The following CFAP47 variants were observed in gnomAD, a reference collection of about 807,000 sequenced individuals.
CFAP47 encodes cilia and flagella associated protein 47, also known as cilia- and flagella-associated protein 47.
In CFAP47, 29 loss-of-function variants were observed where a neutral mutation model predicts 148.1. That is an observed-to-expected ratio of 0.20 (90% CI 0.15 to 0.27). The LOEUF (loss-of-function observed/expected upper bound fraction) is 0.27, where lower values mean the gene tolerates loss of function less well. Ranked by LOEUF, CFAP47 falls within the 10% of genes least tolerant of loss-of-function variation. The probability of loss-of-function intolerance (pLI) is 1.00; values close to 1 mark genes in which losing one functional copy is unlikely to be tolerated. For synonymous variants in CFAP47, 664 were observed against 577.3 expected (o/e 1.15, Z -2.15); for missense variants, 1,872 against 1,697.5 (o/e 1.10, Z -1.81).
chrX:35,934,520 C>A (rs6632405), intron 2 of CFAP47, among the ~76,000 whole-genome samples: 20,473 of 109,683 alleles, frequency 0.19, 1,587 homozygotes, highest in African/African-American at 0.28. Flanking sequence ...GCCTGGAATC[C>A]GGGTCCCCAA....
intron 59 of CFAP47, among the ~76,000 whole-genome samples, chrX:36,352,562 T>C (rs918304168): frequency 1.8e-5 from 2 of 110,867 alleles, no homozygotes; most frequent in South Asian, 7.4e-4. Context: ...CACAAGCTTT[T>C]TTATATTATG....
At chrX:36,118,638 T>A (rs2146810533) in intron 33 of CFAP47, among the ~76,000 whole-genome samples, 1 of 110,146 alleles carries the variant, frequency 9.1e-6, no homozygotes, top group African/African-American at 3.3e-5. Flanking sequence ...CATGCCCGGC[T>A]AATTTTTTTG....
intron 57 of CFAP47, among the ~76,000 whole-genome samples, chrX:36,338,035 ATTTTTTTTT>A (rs1209274928): frequency 8.6e-5 from 4 of 46,569 alleles, no homozygotes; most frequent in Admixed American, 2.7e-4. Context: ...ACGCCTGGCT[ATTTTTTTTT>A]TTTTTTTTTT....
chrX:35,972,006 A>AT, intron 13 of CFAP47, 41 bp downstream of exon 13: 1 of 811,399 alleles, frequency 1.2e-6, no homozygotes, highest in Non-Finnish European at 1.7e-6. Flanking sequence ...TTATTTTTTT[A>AT]TAAAAAAAAG....
At chrX:36,241,810 G>A (rs1455222671) in intron 48 of CFAP47, among the ~76,000 whole-genome samples, 1 of 111,961 alleles carries the variant, frequency 8.9e-6, no homozygotes, top group Non-Finnish European at 1.9e-5. Flanking sequence ...TGGCCTACCT[G>A]CCTGCTGCAG....
intron 33 of CFAP47, among the ~76,000 whole-genome samples, chrX:36,107,894 G>A (rs1938491462): frequency 9.1e-6 from 1 of 110,227 alleles, no homozygotes; most frequent in Admixed American, 9.7e-5. Flanking sequence ...TCCTTTACGT[G>A]CCTTACACCT....
chrX:36,091,344 T>C (rs777322903), intron 30 of CFAP47, among the ~76,000 whole-genome samples: 1 of 111,216 alleles, frequency 9.0e-6, no homozygotes, highest in Non-Finnish European at 1.9e-5. Context: ...ACTTACACAC[T>C]GAAATTCTGT....
At chrX:36,125,295 C>G (rs1938816147) in intron 33 of CFAP47, among the ~76,000 whole-genome samples, 3 of 111,199 alleles carry the variant, frequency 2.7e-5, no homozygotes, top group Non-Finnish European at 5.7e-5. Flanking sequence ...ACAACAGAGC[C>G]CAAATCCCTT....
At chrX:35,961,593 A>T (rs1288522784) in intron 8 of CFAP47, among the ~76,000 whole-genome samples, 1 of 111,258 alleles carries the variant, frequency 9.0e-6, no homozygotes, top group Non-Finnish European at 1.9e-5. Context: ...CATTTAGGTT[A>T]TCTGGTTTGT....
intron 22 of CFAP47, among the ~76,000 whole-genome samples, chrX:36,020,287 GAGA>G (rs1381817968): frequency 2.7e-5 from 3 of 112,057 alleles, no homozygotes; most frequent in South Asian, 3.6e-4. Context: ...TCCACGTGCT[GAGA>G]AGAAGAATAT....
intron 57 of CFAP47, among the ~76,000 whole-genome samples, chrX:36,346,177 G>A (rs1941695790): frequency 9.0e-6 from 1 of 110,926 alleles, no homozygotes; most frequent in Non-Finnish European, 1.9e-5. Context: ...TGTCCAAGAG[G>A]TAATTTGTTT....
chrX:36,062,677 C>G (rs761786792), intron 26 of CFAP47, among the ~76,000 whole-genome samples: 29 of 110,476 alleles, frequency 2.6e-4, no homozygotes, highest in African/African-American at 9.2e-4. Context: ...AATCCGTAGA[C>G]AGATTAGTTG....
chrX:36,225,577 T>C (rs1489993972), intron 45 of CFAP47, among the ~76,000 whole-genome samples: 1 of 111,919 alleles, frequency 8.9e-6, no homozygotes, highest in East Asian at 2.8e-4. Context: ...AGGAGTCTTC[T>C]ACCAAGAGGA....
At position 36,319,325 on chromosome X, in the gene CFAP47, T is replaced by TA. The variant is rs1556011645; in HGVS notation, c.8443+19dup. ...AATACAAGGTACAGGATTTCTACCT[T>TA]ACATTCTATCATTCTGTTTGTTGTT... On this transcript the variant is annotated intron_variant, in intron 57 of 63. Transcript: ENST00000378653. 1.0e-5 allele frequency: 8 copies of TA among 776,499 alleles called. No homozygotes were observed. Among genetic ancestry groups the TA allele is most frequent in the Non-Finnish European group, 1.3e-5 (7 of 550,654 alleles). 64.0% of individuals were successfully genotyped at this position (776,499 alleles called of 1,213,427 possible). A position where few individuals can be genotyped will look rare whatever the true frequency, so the allele number is the denominator to read the frequency against.
In CFAP47 at chrX:36,310,820, T is replaced by A; in HGVS notation, c.8188-13T>A. 3 of 1,124,425 alleles carry A rather than the reference T, an allele frequency of 2.7e-6. No homozygotes were observed. Among genetic ancestry groups the A allele is most frequent in the Non-Finnish European group, 3.6e-6 (3 of 843,711 alleles). The allele number at this position is 1,124,425 out of a possible 1,213,427, so 92.7% of individuals were successfully genotyped here. On this transcript the variant is annotated splice_polypyrimidine_tract_variant and intron_variant, in intron 55 of 63. Transcript: ENST00000378653. ...TTAGGACACATAAGTTACGAATACT[T>A]ATCTTCAAACAGTTTACAGAATGGA...
intron 33 of CFAP47, among the ~76,000 whole-genome samples, chrX:36,130,398 G>A (rs1466751486): frequency 9.0e-6 from 1 of 111,138 alleles, no homozygotes; most frequent in Non-Finnish European, 1.9e-5. Context: ...CAGTTAGAAT[G>A]GCTTATATCC....
chrX:36,150,463 C>T (rs1283558026), intron 37 of CFAP47, among the ~76,000 whole-genome samples: 1 of 111,951 alleles, frequency 8.9e-6, no homozygotes, highest in African/African-American at 3.2e-5. Context: ...TAGTCATTGC[C>T]TTTGCATTCA....
At chrX:36,097,934 C>T (rs73470968) in intron 30 of CFAP47, among the ~76,000 whole-genome samples, 2,921 of 111,737 alleles carry the variant, frequency 0.026, 95 homozygotes, top group African/African-American at 0.09. Flanking sequence ...CTCTGTAAGG[C>T]CAGTAACTCT....
chrX:36,012,277 A>C (rs759240825), intron 21 of CFAP47, among the ~76,000 whole-genome samples: 1 of 111,671 alleles, frequency 9.0e-6, no homozygotes, highest in Admixed American at 9.5e-5. Context: ...AAGGATCTAG[A>C]ACCAGAAATA....
Sources: allele counts gnomAD v4.1 joint callset (sites outside exome capture counted in the v4.1 genomes callset), GRCh38; gene constraint gnomAD v4.1.1; transcripts MANE v1.5; gene names NCBI Gene and HGNC (gene_info 2026-07-23, HGNC 2026-07-21).